The following TSPAN15 variants were observed in gnomAD, a reference collection of about 807,000 sequenced individuals.
The protein encoded by TSPAN15 is tetraspanin 15, also known as tetraspanin-15.
In TSPAN15, 20 loss-of-function variants were observed where a neutral mutation model predicts 34.5. The ratio of observed to expected loss-of-function variants is 0.58; its 90% CI spans 0.41 to 0.84. The LOEUF is 0.84. TSPAN15 is among the 40% of genes least tolerant of loss of function. The pLI is 0.00. For synonymous variants in TSPAN15, 155 were observed against 153.9 expected, an observed-to-expected ratio of 1.01 and a Z score of -0.05; for missense variants, 313 against 386.1, an observed-to-expected ratio of 0.81 and a Z score of 1.59.
intron 1 of TSPAN15, among the ~76,000 whole-genome samples, chr10:69,463,962 T>C (rs1379028180): frequency 6.6e-6 from 1 of 152,160 alleles, no homozygotes; most frequent in Non-Finnish European, 1.5e-5. Flanking sequence ...ATAAATCCAG[T>C]GTCAAGTGCC....
chr10:69,467,228 G>A (rs1371073666), intron 1 of TSPAN15, among the ~76,000 whole-genome samples: 1 of 152,160 alleles, frequency 6.6e-6, no homozygotes, highest in African/African-American at 2.4e-5. Context: ...TTTCCTAATA[G>A]GTGCACTTGG....
chr10:69,526,746 C>T, the TSPAN15 span, among the ~76,000 whole-genome samples: 118 of 121,638 alleles, frequency 9.7e-4, 9 homozygotes, highest in Admixed American at 2.5e-3. Context: ...GCCATGATTA[C>T]ACCACTGTAC....
intron 1 of TSPAN15, among the ~76,000 whole-genome samples, chr10:69,460,016 GGAGAT>G (rs56801982): frequency 0.24 from 33,359 of 140,194 alleles, 4,557 homozygotes; most frequent in East Asian, 0.57. Context: ...GGGTAGTTGG[GGAGAT>G]GAGATGAGAT....
the TSPAN15 span, among the ~76,000 whole-genome samples, chr10:69,543,741 C>A: frequency 6.6e-6 from 1 of 151,738 alleles, no homozygotes; most frequent in Non-Finnish European, 1.5e-5. Flanking sequence ...TGCAAGCTAA[C>A]AAGGGGAGAA....
chr10:69,506,332 A>G lies in TSPAN15; in HGVS notation c.735+92A>G. The G allele has an allele frequency of 1.0e-5, 13 of 1,269,654 alleles. No individual in the cohort carries two copies. The highest frequency in any genetic ancestry group is 1.5e-5 in the Non-Finnish European group (13 of 885,870). 78.6% of individuals were successfully genotyped at this position (1,269,654 alleles called of 1,614,324 possible). Reference sequence around the variant, plus strand: ...GGGGAAGAGCGAAGAGGCTTTTTTCATAGAAGTCCAGGACTTGCCTGGGGA... The same window carrying G: ...GGGGAAGAGCGAAGAGGCTTTTTTCGTAGAAGTCCAGGACTTGCCTGGGGA... On this transcript the variant is annotated intron_variant, in intron 7 of 7. Transcript: ENST00000373290. The surrounding 1 kb of genome is among the most constrained non-coding windows in gnomAD (Gnocchi z 4.7).
chr10:69,491,735 T>TA (rs1814087403), intron 3 of TSPAN15, among the ~76,000 whole-genome samples: 1 of 152,150 alleles, frequency 6.6e-6, no homozygotes, highest in African/African-American at 2.4e-5. Flanking sequence ...GTCTCAGGCT[T>TA]ACATGGAAGT....
At chr10:69,545,695 G>A in the TSPAN15 span, among the ~76,000 whole-genome samples, 15 of 152,264 alleles carry the variant, frequency 9.9e-5, no homozygotes, top group Admixed American at 4.6e-4. Context: ...GGTGGCTCAC[G>A]CCTGTGATCC....
At chr10:69,455,631 C>CCA (rs1004525717) in intron 1 of TSPAN15, among the ~76,000 whole-genome samples, 18 of 111,510 alleles carry the variant, frequency 1.6e-4, no homozygotes, top group Admixed American at 1.5e-3. Context: ...TCTCTCCCCC[C>CCA]CCCGTCTCTT....
At chr10:69,495,928 C>A (rs929324674) in intron 4 of TSPAN15, among the ~76,000 whole-genome samples, 10 of 152,184 alleles carry the variant, frequency 6.6e-5, no homozygotes, top group Non-Finnish European at 1.3e-4. Context: ...TCACACCCTT[C>A]TGTTCCTCTC....
chr10:69,501,544 TA>T (rs1842208601), intron 5 of TSPAN15, among the ~76,000 whole-genome samples: 1 of 152,176 alleles, frequency 6.6e-6, no homozygotes, highest in Non-Finnish European at 1.5e-5. Context: ...ATATGTAGTG[TA>T]AAAAACTAAA....
chr10:69,503,740 C>G (rs1842259934), intron 5 of TSPAN15, among the ~76,000 whole-genome samples: 1 of 152,142 alleles, frequency 6.6e-6, no homozygotes, highest in Non-Finnish European at 1.5e-5. Context: ...CACTCTCTTC[C>G]CTGGTGGTTG....
intron 2 of TSPAN15, among the ~76,000 whole-genome samples, chr10:69,484,919 G>T (rs1841818499): frequency 6.6e-6 from 1 of 152,156 alleles, no homozygotes; most frequent in Non-Finnish European, 1.5e-5. Context: ...GGACAGCTGA[G>T]TCACTCTTCC....
chr10:69,530,808 CTCTCTCTCTCTCTATATATATATATATA>C, the TSPAN15 span, among the ~76,000 whole-genome samples: 10 of 69,116 alleles, frequency 1.4e-4, no homozygotes, highest in Admixed American at 7.8e-4. Flanking sequence ...CTCTCTCTCT[CTCTCTCTCTCTCTATATATATATATATA>C]TATATATATA....
the TSPAN15 span, among the ~76,000 whole-genome samples, chr10:69,543,980 G>A: frequency 6.6e-6 from 1 of 151,472 alleles, no homozygotes; most frequent in Admixed American, 6.6e-5. Flanking sequence ...TACAGGCAGG[G>A]AGATTGGAAC....
chr10:69,545,539 G>A, the TSPAN15 span, among the ~76,000 whole-genome samples: 1 of 152,210 alleles, frequency 6.6e-6, no homozygotes, highest in Non-Finnish European at 1.5e-5. Flanking sequence ...CTTAAAGAAG[G>A]TGAAGCTTAA....
At chr10:69,476,733 T>A (rs1253164965) in intron 1 of TSPAN15, among the ~76,000 whole-genome samples, 2 of 151,960 alleles carry the variant, frequency 1.3e-5, no homozygotes, top group Admixed American at 1.3e-4. Context: ...CAAAGACAAG[T>A]GAATGCGCCT....
chr10:69,459,300 A>G (rs1841191792), intron 1 of TSPAN15, among the ~76,000 whole-genome samples: 1 of 152,190 alleles, frequency 6.6e-6, no homozygotes, highest in African/African-American at 2.4e-5. Context: ...AGGCACTGTG[A>G]TACCGTGATA....
At chr10:69,463,259 C>T (rs897971917) in intron 1 of TSPAN15, among the ~76,000 whole-genome samples, 3 of 152,102 alleles carry the variant, frequency 2.0e-5, no homozygotes, top group Non-Finnish European at 2.9e-5. Context: ...TGAGAACTCT[C>T]GATGCAGGAT....
chr10:69,488,421 A>G (rs1841900147), intron 3 of TSPAN15, among the ~76,000 whole-genome samples: 2 of 152,196 alleles, frequency 1.3e-5, no homozygotes, highest in South Asian at 4.1e-4. Context: ...GATTTCTCTG[A>G]GCCACAATGT....
Sources: gnomAD v4.1 joint callset for allele counts (sites outside exome capture counted in the v4.1 genomes callset) on GRCh38, gnomAD v4.1.1 for gene constraint, Gnocchi (gnomAD v3.1) non-coding constraint, MANE v1.5 for transcripts, NCBI Gene and HGNC (gene_info 2026-07-23, HGNC 2026-07-21) for gene names.